Variants in PVR observed in about 807,000 individuals in gnomAD.
PVR encodes the protein PVR cell adhesion molecule.
PVR carries 39 observed loss-of-function variants against 43.3 expected under a neutral mutation model. The ratio of observed to expected loss-of-function variants is 0.90; its 90% confidence interval spans 0.70 to 1.18. PVR has a LOEUF of 1.18. Among genes scored for constraint, PVR ranks in the 50% most tolerant of loss-of-function variants. The probability of loss-of-function intolerance (pLI) is 0.00; values close to 1 mark genes in which losing one functional copy is unlikely to be tolerated. For synonymous variants in PVR, 224 were observed against 233.2 expected (o/e 0.96, Z 0.36); for missense variants, 480 against 549.7 (o/e 0.87, Z 1.27).
Position 44,658,141 on chromosome 19 carries a change from C to G in PVR, c.991+231C>G, listed in dbSNP as rs542483781. Among the ~76,000 whole-genome samples the G allele has an allele frequency of 5.8e-4, 88 of 152,276 alleles. No individual in the cohort carries two copies. The South Asian group carries it at 0.018, about 32-fold the overall frequency. On this transcript the variant is annotated intron_variant, in intron 5 of 7. Coordinates refer to ENST00000425690, the MANE Select transcript of PVR (RefSeq NM_006505.5). ...AGGTTGGGATAGATGTGGAATCCCT[C>G]TCTCTCAGGGACTCAGGCCTTTCCA...
At chr19:44,647,077 T>TTCCCCCCCCC in intron 1 of PVR, 146 bp from the exon 2 acceptor site, 1 of 311,374 alleles carries the variant, frequency 3.2e-6, no homozygotes, top group South Asian at 5.9e-5. Flanking sequence ...GTGCCCCAGT[T>TTCCCCCCCCC]CCCCCTCCCC....
In PVR at chr19:44,661,142, C is replaced by T. The variant is rs1005704083; in HGVS notation, c.1151-150C>T. 4.4e-6 allele frequency: 3 copies of T among 675,056 alleles called. No homozygotes were observed. The African/African-American group carries it at 5.3e-5, about 12-fold the overall frequency. 41.8% of individuals were successfully genotyped at this position (675,056 alleles called of 1,614,324 possible). A position where few individuals can be genotyped will look rare whatever the true frequency, so the allele number is the denominator to read the frequency against. On this transcript the variant is annotated intron_variant, in intron 6 of 7. Coordinates refer to ENST00000425690, the MANE Select transcript of PVR (RefSeq NM_006505.5). ...AAGCACACCCTCCATCCCTGTCTGACACACGTGTATACCATTAAGGGAAAT... is the reference window on the plus strand; with the variant it reads ...AAGCACACCCTCCATCCCTGTCTGATACACGTGTATACCATTAAGGGAAAT...
In PVR at chr19:44,662,789, T is replaced by C. The variant is rs1973620945; in HGVS notation, c.*978T>C. 1 of 152,162 alleles carries C rather than the reference T, an allele frequency of 6.6e-6. No homozygotes were observed. Among genetic ancestry groups the C allele is most frequent in the African/African-American group, 2.4e-5 (1 of 41,414 alleles). 9.4% of individuals were successfully genotyped at this position (152,162 alleles called of 1,614,324 possible). On this transcript the variant is annotated 3_prime_UTR_variant, in exon 8 of 8. Transcript: ENST00000425690. ...AGAAGGGTGTGGGCCACCAGAGAAT[T>C]TTGGTAAAAATTTGGCCTCTGGCCT...
chr19:44,644,787 C>T (rs190775300), intron 1 of PVR, among the ~76,000 whole-genome samples: 1 of 148,160 alleles, frequency 6.7e-6, no homozygotes, highest in Admixed American at 6.8e-5. Context: ...CTGCTCTCGG[C>T]TCACTGCAGC....
Position 44,662,254 on chromosome 19 carries a change from C to CGGCAGCGT in PVR, c.*443_*444insGGCAGCGT. The CGGCAGCGT allele has an allele frequency of 5.7e-6, 1 of 175,230 alleles. No individual in the cohort carries two copies. The highest frequency in any genetic ancestry group is 1.4e-4 in the South Asian group (1 of 7,126). 10.9% of individuals were successfully genotyped at this position (175,230 alleles called of 1,614,324 possible). ...AGCAGCTCACTCGAGATCTTTGTGT[C>CGGCAGCGT]CAGAGTTTTTTGTTTGTCTTGAGAC... On this transcript the variant is annotated 3_prime_UTR_variant, in exon 8 of 8. Coordinates refer to ENST00000425690, the MANE Select transcript of PVR (RefSeq NM_006505.5).
Position 44,647,422 on chromosome 19 carries a change from A to G in PVR, c.279A>G (p.Glu93=). Residue 93 remains glutamate, a synonymous_variant, in exon 2 of 8, where the codon GAA becomes GAG. Coordinates refer to ENST00000425690, the MANE Select transcript of PVR (RefSeq NM_006505.5). ...GCTATTCGGAGTCCAAACGGCTGGA[A>G]TTCGTGGCAGCCAGACTGGGCGCGG... ...GPSYSESKRL[E]FVAARLGAEL... The G allele has an allele frequency of 6.2e-7, 1 of 1,614,102 alleles. No homozygotes were observed. Among genetic ancestry groups the G allele is most frequent in the Non-Finnish European group, 8.5e-7 (1 of 1,180,002 alleles).
In PVR at chr19:44,664,059, T is replaced by G. The variant is rs1172400858; in HGVS notation, c.*2248T>G. On this transcript the variant is annotated 3_prime_UTR_variant, in exon 8 of 8. Transcript: ENST00000425690. ...ATGGATATCCAGTTTTACACAACAC[T>G]GTGAATGTAATGAATGCCACTGAAT... 6.6e-6 allele frequency: 1 copy of G among 151,780 alleles called. No homozygotes were observed. The highest frequency in any genetic ancestry group is 1.9e-4 in the East Asian group (1 of 5,194). The allele number at this position is 151,780 out of a possible 1,614,324, so 9.4% of individuals were successfully genotyped here.
chr19:44,644,842 A>G (rs2123740842), intron 1 of PVR, among the ~76,000 whole-genome samples: 1 of 147,636 alleles, frequency 6.8e-6, no homozygotes, highest in Admixed American at 6.9e-5. Context: ...CAGCCTCCCG[A>G]GTAGCTCGGA....
rs1973687523 is a variant in PVR, at chr19:44,665,389, G to A, written c.*3578G>A. 6.6e-6 allele frequency: 1 copy of A among 152,160 alleles called. No individual in the cohort carries two copies. Among genetic ancestry groups the A allele is most frequent in the African/African-American group, 2.4e-5 (1 of 41,410 alleles). 9.4% of individuals were successfully genotyped at this position (152,160 alleles called of 1,614,324 possible). On this transcript the variant is annotated 3_prime_UTR_variant, in exon 8 of 8. Coordinates refer to ENST00000425690, the MANE Select transcript of PVR (RefSeq NM_006505.5). ...GGGCTGGGCGCAGTGGCTCACGCCT[G>A]TAATCCCAGCACTTTGGGAGGCTGC...
At chr19:44,660,154 T>A (rs1191150106) in intron 6 of PVR, among the ~76,000 whole-genome samples, 2 of 152,228 alleles carry the variant, frequency 1.3e-5, no homozygotes, top group Non-Finnish European at 2.9e-5. Flanking sequence ...GACCTGAGGC[T>A]GTCACTGTCA....
At position 44,649,922 on chromosome 19, in the gene PVR, T is replaced by G; in HGVS notation, c.541T>G (p.Ser181Ala). The change falls in exon 3 of 8, where the codon TCA (serine) becomes GCA (alanine). Residue 181 changes from serine (S) to alanine (A), a missense_variant. Physicochemically the swap from Ser to Ala is moderately conservative, Grantham distance 99. Coordinates refer to ENST00000425690, the MANE Select transcript of PVR (RefSeq NM_006505.5). Reference sequence around the variant, plus strand: ...CCCGCCAGCCCAAATCACCTGGCACTCAGACCTGGGCGGGATGCCCAATAC... The same window carrying G: ...CCCGCCAGCCCAAATCACCTGGCACGCAGACCTGGGCGGGATGCCCAATAC... Reference protein sequence around the residue: ...GRPPAQITWHSDLGGMPNTSQ... With the variant: ...GRPPAQITWHADLGGMPNTSQ... The G allele has an allele frequency of 2.5e-6, 4 of 1,613,368 alleles. No homozygotes were observed. Among genetic ancestry groups the G allele is most frequent in the Non-Finnish European group, 3.4e-6 (4 of 1,179,632 alleles).
chr19:44,655,421 G>A (rs934630958), intron 4 of PVR, among the ~76,000 whole-genome samples: 1 of 152,106 alleles, frequency 6.6e-6, no homozygotes, highest in African/African-American at 2.4e-5. Context: ...AAAATAACTT[G>A]TGTCCACTGT....
chr19:44,649,427 CT>C (rs35536545), intron 2 of PVR, among the ~76,000 whole-genome samples: 385 of 125,430 alleles, frequency 3.1e-3, no homozygotes, highest in African/African-American at 6.1e-3. Flanking sequence ...CATTCTGTAT[CT>C]TTTTTTTTTT....
Position 44,658,487 on chromosome 19 carries a change from C to T in PVR, c.992-255C>T, listed in dbSNP as rs148679696. On this transcript the variant is annotated intron_variant, in intron 5 of 7. Coordinates refer to ENST00000425690, the MANE Select transcript of PVR (RefSeq NM_006505.5). ...TGTAGCCATAGTCCCAGGGCTGGCT[C>T]TCATTGGCCCAGCTTAGGCCACAGC... Among the ~76,000 whole-genome samples, 338 of 152,330 alleles carry T rather than the reference C, an allele frequency of 2.2e-3. 1 individual carries two copies. Among genetic ancestry groups the T allele is most frequent in the Non-Finnish European group, 3.5e-3 (240 of 68,030 alleles).
chr19:44,652,026 G>C (rs1264964101), intron 3 of PVR, among the ~76,000 whole-genome samples: 1 of 151,816 alleles, frequency 6.6e-6, no homozygotes, highest in Non-Finnish European at 1.5e-5. Context: ...GCACGGTGGC[G>C]GGTGCCTGTA....
intron 3 of PVR, among the ~76,000 whole-genome samples, chr19:44,651,417 C>G (rs1447829244): frequency 6.6e-6 from 1 of 152,146 alleles, no homozygotes; most frequent in East Asian, 1.9e-4. Flanking sequence ...CCCTGGAGAA[C>G]TGTCTGCATT....
rs1444298288 is a variant in PVR at position 44,663,782 on chromosome 19, G to A, written c.*1971G>A. 6.6e-6 allele frequency among the ~76,000 whole-genome samples: 1 copy of A among 152,076 alleles called. No individual in the cohort carries two copies. The highest frequency in any genetic ancestry group is 6.6e-5 in the Admixed American group (1 of 15,258). ...CTCCAAAAAAAATGTTTAAGGGACG[G>A]TGTCTCCTGTCACCCAGGCTGGAGT... is the stretch of plus-strand genomic sequence containing the variant. On this transcript the variant is annotated 3_prime_UTR_variant, in exon 8 of 8. Transcript: ENST00000425690.
chr19:44,647,577 A>C lies in PVR; in HGVS notation c.427+7A>C. On this transcript the variant is annotated splice_region_variant and intron_variant, in intron 2 of 7. Coordinates refer to ENST00000425690, the MANE Select transcript of PVR (RefSeq NM_006505.5). Reference sequence around the variant, plus strand: ...ATCTGGCTCCGAGTGCTTGGTGAGCAGGGGGTTTTGGGGAGGCTGAATGAA... The same window carrying C: ...ATCTGGCTCCGAGTGCTTGGTGAGCCGGGGGTTTTGGGGAGGCTGAATGAA... 1 of 1,601,766 alleles carries C rather than the reference A, an allele frequency of 6.2e-7. No homozygotes were observed. The highest frequency in any genetic ancestry group is 8.5e-7 in the Non-Finnish European group (1 of 1,172,966).
At chr19:44,660,915 A>G (rs1042894979) in intron 6 of PVR, among the ~76,000 whole-genome samples, 1 of 152,188 alleles carries the variant, frequency 6.6e-6, no homozygotes, top group South Asian at 2.1e-4. Flanking sequence ...CATTTGCTGA[A>G]TAATACTACT....
Sources: allele counts gnomAD v4.1 joint callset (sites outside exome capture counted in the v4.1 genomes callset), GRCh38; gene constraint gnomAD v4.1.1; transcripts MANE v1.5; gene names NCBI Gene and HGNC (gene_info 2026-07-23, HGNC 2026-07-21).